The following COX7B2 variants were observed in gnomAD, a reference collection of about 807,000 sequenced individuals.
The protein encoded by COX7B2 is cytochrome c oxidase subunit 7B2, also known as cytochrome c oxidase subunit 7B2, mitochondrial.
For synonymous variants in COX7B2, 37 were observed against 32.1 expected (o/e 1.15, Z -0.51); for missense variants, 109 against 95.9 (o/e 1.14, Z -0.57).
intron 1 of COX7B2, among the ~76,000 whole-genome samples, chr4:46,859,843 T>G (rs1330874843): frequency 6.6e-6 from 1 of 152,158 alleles, no homozygotes; most frequent in African/African-American, 2.4e-5. Context: ...CCCCTTAATT[T>G]GCATGTAATT....
intron 2 of COX7B2, among the ~76,000 whole-genome samples, chr4:46,738,288 T>C (rs1050522765): frequency 2.6e-5 from 4 of 152,114 alleles, no homozygotes; most frequent in African/African-American, 7.2e-5. Flanking sequence ...TCTAGTGACA[T>C]TGATCACATT....
intron 1 of COX7B2, among the ~76,000 whole-genome samples, chr4:46,905,814 CTTTTTTTTTTT>C (rs761904309): frequency 4.2e-5 from 3 of 71,690 alleles, no homozygotes; most frequent in African/African-American, 1.6e-4. Context: ...GCATATATTT[CTTTTTTTTTTT>C]TTTTTTTTTT....
intron 2 of COX7B2, among the ~76,000 whole-genome samples, chr4:46,747,316 T>C (rs1369033489): frequency 8.4e-6 from 1 of 118,788 alleles, no homozygotes; most frequent in Non-Finnish European, 1.8e-5. Flanking sequence ...TATTTTATTA[T>C]TTTCTGAGTC....
chr4:46,776,192 TG>T (rs1717143642), intron 2 of COX7B2, among the ~76,000 whole-genome samples: 1 of 152,024 alleles, frequency 6.6e-6, no homozygotes. Flanking sequence ...GCCTGAGATA[TG>T]GGGAAAGTGG....
At chr4:46,741,906 G>A (rs1714739674) in intron 2 of COX7B2, among the ~76,000 whole-genome samples, 1 of 152,078 alleles carries the variant, frequency 6.6e-6, no homozygotes, top group South Asian at 2.1e-4. Flanking sequence ...TTTATCATCA[G>A]AAATATTTAT....
chr4:46,741,602 G>A (rs1666598468), intron 2 of COX7B2, among the ~76,000 whole-genome samples: 1 of 151,994 alleles, frequency 6.6e-6, no homozygotes, highest in Non-Finnish European at 1.5e-5. Flanking sequence ...TCCCTACCAT[G>A]GGATGCAAAA....
chr4:46,906,251 A>G (rs1485110969), intron 1 of COX7B2, among the ~76,000 whole-genome samples: 1 of 152,136 alleles, frequency 6.6e-6, no homozygotes, highest in Non-Finnish European at 1.5e-5. Context: ...CAGCTGGAAA[A>G]TCACTCTCAG....
At chr4:46,761,832 T>C (rs961558979) in intron 2 of COX7B2, among the ~76,000 whole-genome samples, 6 of 151,834 alleles carry the variant, frequency 4.0e-5, no homozygotes, top group Non-Finnish European at 8.8e-5. Flanking sequence ...GGTGCCGAGA[T>C]GAGTGAATTA....
At chr4:46,902,235 A>C (rs934231133) in intron 1 of COX7B2, among the ~76,000 whole-genome samples, 6 of 152,174 alleles carry the variant, frequency 3.9e-5, no homozygotes, top group Non-Finnish European at 7.3e-5. Flanking sequence ...CCAAGAAAAA[A>C]AGGAGGACAA....
chr4:46,740,089 T>C lies in COX7B2; in HGVS notation c.-49-4848A>G, dbSNP rs1176910466. On this transcript the variant is annotated intron_variant, in intron 2 of 2. Coordinates refer to ENST00000355591, the MANE Select transcript of COX7B2 (RefSeq NM_130902.3). Reference sequence around the variant, plus strand: ...GCAGCTTATCAATTTCTAGTGTCTCTGTTTATCTTTGTTCTGCATTTTAGC... The same window carrying C: ...GCAGCTTATCAATTTCTAGTGTCTCCGTTTATCTTTGTTCTGCATTTTAGC... Among the ~76,000 whole-genome samples the C allele has an allele frequency of 2.0e-5, 3 of 152,128 alleles. No homozygotes were observed. In the East Asian group the frequency reaches 5.8e-4, roughly 29 times the overall value.
chr4:46,874,007 T>C (rs774141605), intron 1 of COX7B2, among the ~76,000 whole-genome samples: 3 of 152,208 alleles, frequency 2.0e-5, no homozygotes, highest in Non-Finnish European at 4.4e-5. Flanking sequence ...GAAATTGATG[T>C]CCAATGGGTA....
chr4:46,847,050 C>G (rs1716328163), intron 1 of COX7B2, among the ~76,000 whole-genome samples: 1 of 151,860 alleles, frequency 6.6e-6, no homozygotes, highest in African/African-American at 2.4e-5. Context: ...TGAGGACGAT[C>G]AAATTTAACA....
chr4:46,826,384 G>T (rs771502955), intron 2 of COX7B2, among the ~76,000 whole-genome samples: 2 of 152,118 alleles, frequency 1.3e-5, no homozygotes, highest in African/African-American at 2.4e-5. Flanking sequence ...TTTTGGCAAG[G>T]TTGTGGAGAT....
intron 2 of COX7B2, among the ~76,000 whole-genome samples, chr4:46,774,739 C>T (rs1717062605): frequency 6.6e-6 from 1 of 151,966 alleles, no homozygotes; most frequent in Non-Finnish European, 1.5e-5. Flanking sequence ...ATCCTCAAGT[C>T]TTATCACTGA....
intron 2 of COX7B2, among the ~76,000 whole-genome samples, chr4:46,753,454 A>G (rs955587459): frequency 1.3e-5 from 2 of 151,880 alleles, no homozygotes; most frequent in Non-Finnish European, 2.9e-5. Flanking sequence ...CAAAAACAAG[A>G]AATGGGGAAA....
At chr4:46,853,397 C>A (rs1351459717) in intron 1 of COX7B2, among the ~76,000 whole-genome samples, 1 of 152,124 alleles carries the variant, frequency 6.6e-6, no homozygotes, top group Non-Finnish European at 1.5e-5. Context: ...CTCTCATCAT[C>A]TAAAATTTGT....
intron 2 of COX7B2, among the ~76,000 whole-genome samples, chr4:46,826,953 C>G (rs1428023768): frequency 6.6e-6 from 1 of 151,902 alleles, no homozygotes; most frequent in Admixed American, 6.6e-5. Flanking sequence ...AGTACAATAA[C>G]TGAAATGTAA....
chr4:46,746,943 TCAG>T (rs1389169296), intron 2 of COX7B2, among the ~76,000 whole-genome samples: 1 of 152,162 alleles, frequency 6.6e-6, no homozygotes, highest in African/African-American at 2.4e-5. Context: ...TCAGGAATGC[TCAG>T]CAGAAGAGGC....
Position 46,740,967 on chromosome 4 carries a change from C to G in COX7B2, c.-49-5726G>C, listed in dbSNP as rs147587903. Reference sequence around the variant, plus strand: ...ATCTAGGCACCGAATACTGAAAGGTCAAAGCATACATAATTAAGGTGTGCC... The same window carrying G: ...ATCTAGGCACCGAATACTGAAAGGTGAAAGCATACATAATTAAGGTGTGCC... On this transcript the variant is annotated intron_variant, in intron 2 of 2. Transcript: ENST00000355591. Among the ~76,000 whole-genome samples the G allele has an allele frequency of 5.1e-3, 771 of 152,044 alleles. 3 individuals are homozygous for G. The highest frequency in any genetic ancestry group is 0.017 in the African/African-American group (720 of 41,486).
Sources: gnomAD v4.1 joint callset for allele counts (sites outside exome capture counted in the v4.1 genomes callset) on GRCh38, gnomAD v4.1.1 for gene constraint, MANE v1.5 for transcripts, NCBI Gene and HGNC (gene_info 2026-07-23, HGNC 2026-07-21) for gene names.